MACROD2: variants seen among roughly 807,000 people sequenced by gnomAD.
The protein encoded by MACROD2 is mono-ADP ribosylhydrolase 2.
Under a neutral mutation model 70.4 loss-of-function variants are expected in MACROD2, and 36 were observed. The observed-to-expected ratio is 0.51, with a 90% confidence interval of 0.39 to 0.68. The LOEUF is 0.68. Ranked by LOEUF, MACROD2 falls within the 30% of genes least tolerant of loss-of-function variation. The pLI is 0.00. For missense variants in MACROD2, 496 were observed against 538.4 expected (o/e 0.92, Z 0.78); for synonymous variants, 172 against 178.8 (o/e 0.96, Z 0.30).
At chr20:15,771,040 C>T (rs1040058355) in intron 8 of MACROD2, among the ~76,000 whole-genome samples, 14 of 152,138 alleles carry the variant, frequency 9.2e-5, no homozygotes, top group African/African-American at 3.4e-4. Context: ...ATCCAATTTT[C>T]CACATTCTGC....
At chr20:14,149,217 G>A (rs1336358600) in intron 3 of MACROD2, among the ~76,000 whole-genome samples, 1 of 145,546 alleles carries the variant, frequency 6.9e-6, no homozygotes, top group Non-Finnish European at 1.5e-5. Flanking sequence ...AGTACCCAAT[G>A]TTTAGCTCCC....
At position 14,812,260 on chromosome 20, in the gene MACROD2, A is replaced by G. The variant is rs2072723598; in HGVS notation, c.418+127301A>G. On this transcript the variant is annotated intron_variant, in intron 5 of 17. Transcript: ENST00000684519. ...TACTATGCAGCCATAAAAAAGAATG[A>G]GTTCATGTGGGGACATGGGTGAAGC... Among the ~76,000 whole-genome samples, 6 of 152,118 alleles carry G rather than the reference A, an allele frequency of 3.9e-5. No homozygotes were observed. The South Asian group carries it at 1.2e-3, about 32-fold the overall frequency.
chr20:14,095,857 A>G (rs1046896175), intron 3 of MACROD2, among the ~76,000 whole-genome samples: 15 of 152,218 alleles, frequency 9.9e-5, no homozygotes, highest in South Asian at 2.1e-4. Context: ...TGGCCTACTG[A>G]AGTGTAGTTG....
At chr20:14,174,537 G>A (rs930761091) in intron 3 of MACROD2, among the ~76,000 whole-genome samples, 50 of 152,266 alleles carry the variant, frequency 3.3e-4, no homozygotes, top group Non-Finnish European at 6.3e-4. Flanking sequence ...ACAGCACTGA[G>A]TTTATTTCCA....
Position 14,655,736 on chromosome 20 carries a change from CATA to C in MACROD2, c.302-29101_302-29099del, listed in dbSNP as rs1466800410. On this transcript the variant is annotated intron_variant, in intron 4 of 17. Transcript: ENST00000684519. ...TGTAGCTATATTGTTGATAGATTAA[CATA>C]ATAATCAAATAGAAATTAACTTCCT... is the stretch of plus-strand genomic sequence containing the variant. Among the ~76,000 whole-genome samples the C allele has an allele frequency of 1.2e-3, 190 of 152,238 alleles. 3 individuals are homozygous for C. The highest frequency in any genetic ancestry group is 1.5e-4 in the Non-Finnish European group (10 of 68,020).
chr20:14,866,269 A>G (rs1203461246), intron 5 of MACROD2, among the ~76,000 whole-genome samples: 3 of 152,264 alleles, frequency 2.0e-5, no homozygotes, highest in Admixed American at 6.5e-5. Context: ...AACCAGCTGC[A>G]TACTGTAGGA....
At chr20:14,565,921 TC>T (rs1979771874) in intron 4 of MACROD2, among the ~76,000 whole-genome samples, 1 of 151,934 alleles carries the variant, frequency 6.6e-6, no homozygotes, top group Non-Finnish European at 1.5e-5. Context: ...GACAGCATTT[TC>T]TTATTGTTGG....
At chr20:14,019,794 G>C (rs1193575301) in intron 2 of MACROD2, among the ~76,000 whole-genome samples, 1 of 152,120 alleles carries the variant, frequency 6.6e-6, no homozygotes, top group Non-Finnish European at 1.5e-5. Flanking sequence ...CCAATCTTAG[G>C]TTCTACAATA....
At chr20:14,385,524 G>A (rs2083459908) in intron 3 of MACROD2, among the ~76,000 whole-genome samples, 1 of 152,112 alleles carries the variant, frequency 6.6e-6, no homozygotes, top group Non-Finnish European at 1.5e-5. Context: ...ACATGTCAAA[G>A]ATAGCATTTT....
chr20:14,171,322 A>G (rs895854073), intron 3 of MACROD2, among the ~76,000 whole-genome samples: 1 of 151,916 alleles, frequency 6.6e-6, no homozygotes, highest in Non-Finnish European at 1.5e-5. Flanking sequence ...TTGTATTACT[A>G]TTTTTGTTTC....
At chr20:14,299,191 G>T (rs1239000445) in intron 3 of MACROD2, among the ~76,000 whole-genome samples, 1 of 152,116 alleles carries the variant, frequency 6.6e-6, no homozygotes, top group African/African-American at 2.4e-5. Context: ...CTTATTTTAA[G>T]AAATTGCCAC....
At chr20:14,126,134 C>T (rs1209126783) in intron 3 of MACROD2, among the ~76,000 whole-genome samples, 1 of 152,120 alleles carries the variant, frequency 6.6e-6, no homozygotes, top group East Asian at 1.9e-4. Context: ...AAAAAGAAAA[C>T]TTTATTTTCT....
At chr20:14,325,679 C>T (rs1306933105) in intron 3 of MACROD2, 6 of 1,613,838 alleles carry the variant, frequency 3.7e-6, no homozygotes, top group South Asian at 1.1e-5. Context: ...GTGTGTATTA[C>T]AAACTCCTCC....
At chr20:15,031,225 A>G (rs984210215) in intron 5 of MACROD2, among the ~76,000 whole-genome samples, 1 of 152,144 alleles carries the variant, frequency 6.6e-6, no homozygotes, top group Non-Finnish European at 1.5e-5. Flanking sequence ...GACGTCAGGA[A>G]CCTCAGAGAC....
intron 8 of MACROD2, among the ~76,000 whole-genome samples, chr20:15,549,857 CT>C (rs148133141): frequency 0.066 from 9,883 of 149,562 alleles, 1,065 homozygotes; most frequent in African/African-American, 0.23. Context: ...GCATATCAAC[CT>C]TTTTTTTTTC....
intron 3 of MACROD2, among the ~76,000 whole-genome samples, chr20:14,136,212 A>C (rs1468445533): frequency 6.6e-6 from 1 of 152,148 alleles, no homozygotes; most frequent in Non-Finnish European, 1.5e-5. Flanking sequence ...TCCATTTCCA[A>C]GTGTTATTTT....
At chr20:15,498,529 C>T (rs1330802665) in intron 7 of MACROD2, among the ~76,000 whole-genome samples, 1 of 152,000 alleles carries the variant, frequency 6.6e-6, no homozygotes, top group Non-Finnish European at 1.5e-5. Context: ...TAATGAATGC[C>T]GCTAGAAAGA....
At chr20:14,526,966 G>A (rs2123192772) in intron 4 of MACROD2, among the ~76,000 whole-genome samples, 2 of 152,350 alleles carry the variant, frequency 1.3e-5, no homozygotes, top group South Asian at 4.1e-4. Context: ...TTGCCTTGGT[G>A]TTGTACGGAT....
chr20:15,146,986 C>A (rs1407381843), intron 5 of MACROD2, among the ~76,000 whole-genome samples: 1 of 152,032 alleles, frequency 6.6e-6, no homozygotes, highest in Non-Finnish European at 1.5e-5. Flanking sequence ...ATTTTTGTTC[C>A]ATTTATGGAG....
Sources: allele counts gnomAD v4.1 joint callset (sites outside exome capture counted in the v4.1 genomes callset), GRCh38; gene constraint gnomAD v4.1.1; transcripts MANE v1.5; gene names NCBI Gene and HGNC (gene_info 2026-07-23, HGNC 2026-07-21).